The following RFXANK variants were observed in gnomAD, a reference collection of about 807,000 sequenced individuals.
RFXANK encodes the protein DNA-binding protein RFXANK.
RFXANK carries 19 observed loss-of-function variants against 34.5 expected under a neutral mutation model. The observed-to-expected ratio is 0.55, with a 90% CI of 0.38 to 0.81. RFXANK has a LOEUF of 0.81. Ranked by LOEUF, RFXANK falls within the 30% of genes least tolerant of loss-of-function variation. RFXANK has a pLI of 0.00. For missense variants in RFXANK, 295 were observed against 343.5 expected (o/e 0.86, Z 1.12); for synonymous variants, 154 against 149.8 (o/e 1.03, Z -0.20).
chr19:19,195,183 C>G (rs1261299441), intron 3 of RFXANK, among the ~76,000 whole-genome samples: 1 of 149,286 alleles, frequency 6.7e-6, no homozygotes, highest in Non-Finnish European at 1.5e-5. Flanking sequence ...TTCAGCCTCC[C>G]GAGTAGCTGG....
At chr19:19,195,620 T>C (rs886505341) in intron 3 of RFXANK, among the ~76,000 whole-genome samples, 5 of 151,532 alleles carry the variant, frequency 3.3e-5, no homozygotes, top group African/African-American at 1.2e-4. Flanking sequence ...GCGGATTTCT[T>C]TGACTTCCTA....
At chr19:19,194,397 T>G (rs2060559827) in intron 3 of RFXANK, among the ~76,000 whole-genome samples, 1 of 152,144 alleles carries the variant, frequency 6.6e-6, no homozygotes, top group Non-Finnish European at 1.5e-5. Context: ...TACGCCCAGC[T>G]AATTTTTTGG....
Position 19,192,280 on chromosome 19 carries a change from G to A in RFXANK, c.-424G>A. 2.2e-6 allele frequency: 2 copies of A among 923,796 alleles called. No individual in the cohort carries two copies. Among genetic ancestry groups the A allele is most frequent in the Non-Finnish European group, 3.2e-6 (2 of 618,548 alleles). The allele number at this position is 923,796 out of a possible 1,614,324, so 57.2% of individuals were successfully genotyped here. A position where few individuals can be genotyped will look rare whatever the true frequency, so the allele number is the denominator to read the frequency against. The stretch of plus-strand genomic sequence containing the variant: ...AGTCTTTGCGGACAAGAAAGGGGCT[G>A]TGTGAGACGCAGGGAAGGAGGCACA... On this transcript the variant is annotated 5_prime_UTR_variant, in exon 1 of 10. In the 5' UTR this introduces an upstream ATG that the reference lacks. Coordinates refer to ENST00000303088, the MANE Select transcript of RFXANK (RefSeq NM_003721.4).
chr19:19,198,104 CA>C lies in RFXANK; in HGVS notation c.439-2del, dbSNP rs765993889. On this transcript the variant is annotated splice_acceptor_variant, in intron 6 of 9. Coordinates refer to ENST00000303088, the MANE Select transcript of RFXANK (RefSeq NM_003721.4). LOFTEE classifies it high-confidence loss of function. ...CTACCACTGTCCCTTCTTCTCCCTG[CA>C]GGGTGCCGACCCCCACATCCTGGCA... The C allele has an allele frequency of 6.2e-7, 1 of 1,614,010 alleles. No individual in the cohort carries two copies. The highest frequency in any genetic ancestry group is 2.2e-5 in the East Asian group (1 of 44,886).
rs981969939 is a variant in RFXANK, at chr19:19,197,166, C to G, written c.272-20C>G. ...AGAAGCAAGGGGATGAGTGAGGACT[C>G]TGCCTCTGTCCTGCCCCAGCCCTGT... On this transcript the variant is annotated intron_variant, in intron 4 of 9. Transcript: ENST00000303088. The G allele has an allele frequency of 6.2e-7, 1 of 1,613,914 alleles. No homozygotes were observed. Among genetic ancestry groups the G allele is most frequent in the African/African-American group, 1.3e-5 (1 of 75,062 alleles).
At chr19:19,199,597 A>G (rs1413836516) in intron 9 of RFXANK, among the ~76,000 whole-genome samples, 2 of 152,002 alleles carry the variant, frequency 1.3e-5, no homozygotes, top group African/African-American at 4.8e-5. Flanking sequence ...AGGTGGGCCC[A>G]GCCCTGGGAT....
In RFXANK at chr19:19,192,398, C is replaced by T. The variant is rs956561805; in HGVS notation, c.-306C>T. 5.4e-6 allele frequency: 3 copies of T among 554,534 alleles called. No individual in the cohort carries two copies. The highest frequency in any genetic ancestry group is 9.7e-6 in the Non-Finnish European group (3 of 309,694). The allele number at this position is 554,534 out of a possible 1,614,324, so 34.4% of individuals were successfully genotyped here. A position where few individuals can be genotyped will look rare whatever the true frequency, so the allele number is the denominator to read the frequency against. On this transcript the variant is annotated 5_prime_UTR_variant, in exon 1 of 10. Coordinates refer to ENST00000303088, the MANE Select transcript of RFXANK (RefSeq NM_003721.4). Reference sequence around the variant, plus strand: ...AGAGGGGGAAGAACTCTCTCCCTTTCTGAACCCCCTTTTCCTTGAGAGACG... The same window carrying T: ...AGAGGGGGAAGAACTCTCTCCCTTTTTGAACCCCCTTTTCCTTGAGAGACG...
chr19:19,199,348 G>C (rs1323216646), intron 9 of RFXANK, 114 bp downstream of exon 9: 11 of 1,026,498 alleles, frequency 1.1e-5, no homozygotes, highest in Non-Finnish European at 1.4e-5. Flanking sequence ...AGAGTGTGTT[G>C]ACAGGTGTTG....
At chr19:19,196,837 C>A (rs1340806132) in intron 3 of RFXANK, 126 bp from the exon 4 acceptor site, 20 of 891,884 alleles carry the variant, frequency 2.2e-5, no homozygotes, top group African/African-American at 4.9e-5. Flanking sequence ...TGTACTCCAG[C>A]CTGGGGGACA....
chr19:19,201,422 G>A (rs945634852), intron 9 of RFXANK: 185 of 1,472,620 alleles, frequency 1.3e-4, no homozygotes, highest in Non-Finnish European at 1.7e-4. Context: ...TGCTTGGTAG[G>A]AAATATTTTT....
At position 19,192,325 on chromosome 19, in the gene RFXANK, G is replaced by A; in HGVS notation, c.-379G>A. The A allele has an allele frequency of 1.6e-6, 1 of 639,044 alleles. No homozygotes were observed. The highest frequency in any genetic ancestry group is 2.9e-5 in the East Asian group (1 of 34,982). 39.6% of individuals were successfully genotyped at this position (639,044 alleles called of 1,614,324 possible). A position where few individuals can be genotyped will look rare whatever the true frequency, so the allele number is the denominator to read the frequency against. Reference sequence around the variant, plus strand: ...GGCACACCCGGGGGTGGCGCAGTGAGGAGGGGGCGCGACGGCCAGGAGGCT... The same window carrying A: ...GGCACACCCGGGGGTGGCGCAGTGAAGAGGGGGCGCGACGGCCAGGAGGCT... On this transcript the variant is annotated 5_prime_UTR_variant, in exon 1 of 10. Transcript: ENST00000303088.
At chr19:19,201,484 T>G in intron 9 of RFXANK, 165 bp from the exon 10 acceptor site, 1 of 1,587,560 alleles carries the variant, frequency 6.3e-7, no homozygotes, top group Non-Finnish European at 8.5e-7. Flanking sequence ...TTAGGGGAAG[T>G]TGAGGTTCCT....
intron 8 of RFXANK, 197 bp from the exon 9 acceptor site, chr19:19,198,957 C>T (rs1259529388): frequency 9.3e-6 from 7 of 756,368 alleles, no homozygotes; most frequent in South Asian, 8.8e-5. Context: ...CTCCATGGTT[C>T]AGAGACCCTT....
rs752496805 is a variant in RFXANK at position 19,197,060 on chromosome 19, C to T, written c.271+14C>T. On this transcript the variant is annotated intron_variant, in intron 4 of 9. Transcript: ENST00000303088. ...CCACCCTAGACTGTGAGTGGGCCCA[C>T]GGTCCCCAACAAGGAGAGGAGTAGG... 9.9e-6 allele frequency: 16 copies of T among 1,613,228 alleles called. No homozygotes were observed. In the East Asian group the frequency reaches 1.1e-4, roughly 11 times the overall value.
chr19:19,201,699 G>A lies in RFXANK; in HGVS notation c.763G>A (p.Val255Met). ...HILKLFQSNLVPADPE is the reference protein window; with the variant it reads ...HILKLFQSNLMPADPE ...CCTCAAGCTCTTCCAGAGCAACCTGGTGCCCGCTGACCCTGAGTGAAGGCC... is the reference window on the plus strand; with the variant it reads ...CCTCAAGCTCTTCCAGAGCAACCTGATGCCCGCTGACCCTGAGTGAAGGCC... The change falls in exon 10 of 10, where the codon GTG becomes ATG. Residue 255 changes from valine to methionine, a missense_variant. Transcript: ENST00000303088. 6.2e-7 allele frequency: 1 copy of A among 1,614,102 alleles called. No homozygotes were observed. The highest frequency in any genetic ancestry group is 2.2e-5 in the East Asian group (1 of 44,886).
intron 5 of RFXANK, 132 bp from the exon 6 acceptor site, chr19:19,197,389 G>T: frequency 8.2e-7 from 1 of 1,214,238 alleles, no homozygotes; most frequent in Non-Finnish European, 1.2e-6. Context: ...CCGTGTTCAT[G>T]TATGTCCATC....
In RFXANK at chr19:19,192,311, G is replaced by T; in HGVS notation, c.-393G>T. 1 of 700,574 alleles carries T rather than the reference G, an allele frequency of 1.4e-6. No individual in the cohort carries two copies. The highest frequency in any genetic ancestry group is 1.9e-5 in the South Asian group (1 of 52,720). 43.4% of individuals were successfully genotyped at this position (700,574 alleles called of 1,614,324 possible). A position where few individuals can be genotyped will look rare whatever the true frequency, so the allele number is the denominator to read the frequency against. Reference sequence around the variant, plus strand: ...GACGCAGGGAAGGAGGCACACCCGGGGGTGGCGCAGTGAGGAGGGGGCGCG... The same window carrying T: ...GACGCAGGGAAGGAGGCACACCCGGTGGTGGCGCAGTGAGGAGGGGGCGCG... On this transcript the variant is annotated 5_prime_UTR_variant, in exon 1 of 10. Coordinates refer to ENST00000303088, the MANE Select transcript of RFXANK (RefSeq NM_003721.4).
intron 8 of RFXANK, 104 bp downstream of exon 8, chr19:19,198,827 G>A: frequency 8.6e-7 from 1 of 1,165,050 alleles, no homozygotes; most frequent in Non-Finnish European, 1.3e-6. Context: ...AAGAGTTCTT[G>A]GAGCAGGTAG....
rs1039720878 is a variant in RFXANK, at chr19:19,192,983, C to G, written c.-126C>G. 4 of 152,292 alleles carry G rather than the reference C, an allele frequency of 2.6e-5. No individual in the cohort carries two copies. The highest frequency in any genetic ancestry group is 2.6e-4 in the Admixed American group (4 of 15,278). 9.4% of individuals were successfully genotyped at this position (152,292 alleles called of 1,614,324 possible). ...AGAGGAAGCCAGATCGCTGAGGGTC[C>G]GGTCTCCAGTTTGCCTCCTGCTATA... On this transcript the variant is annotated 5_prime_UTR_variant, in exon 2 of 10. Coordinates refer to ENST00000303088, the MANE Select transcript of RFXANK (RefSeq NM_003721.4).
Sources: gnomAD v4.1 joint callset for allele counts (sites outside exome capture counted in the v4.1 genomes callset) on GRCh38, gnomAD v4.1.1 for gene constraint, MANE v1.5 for transcripts, NCBI Gene and HGNC (gene_info 2026-07-23, HGNC 2026-07-21) for gene names.